Variants in GYS2 observed in about 807,000 individuals in gnomAD.
GYS2 encodes glycogen synthase 2.
In GYS2, 80 loss-of-function variants were observed where a neutral mutation model predicts 85.6. The observed-to-expected ratio is 0.93, with a 90% CI of 0.78 to 1.13. The LOEUF is 1.13. GYS2 is among the 50% of genes most tolerant of loss of function. The pLI is 0.00. For missense variants in GYS2, 881 were observed against 854.9 expected, an observed-to-expected ratio of 1.03 and a Z score of -0.38; for synonymous variants, 328 against 300.7, an observed-to-expected ratio of 1.09 and a Z score of -0.94.
intron 11 of GYS2, among the ~76,000 whole-genome samples, chr12:21,548,632 C>A (rs1944070303): frequency 6.6e-6 from 1 of 152,064 alleles, no homozygotes; most frequent in Admixed American, 6.6e-5. Context: ...CTTGTATGAG[C>A]CAGTTCTGGG....
chr12:21,571,966 CA>C (rs1367567639), intron 4 of GYS2, among the ~76,000 whole-genome samples: 3 of 25,770 alleles, frequency 1.2e-4, no homozygotes, highest in Non-Finnish European at 2.1e-4. Flanking sequence ...GCGTCAAAAA[CA>C]AAAACAAACA....
At chr12:21,555,388 C>A (rs1944166824) in intron 11 of GYS2, among the ~76,000 whole-genome samples, 1 of 151,870 alleles carries the variant, frequency 6.6e-6, no homozygotes. Context: ...GGATGTAGCT[C>A]ACTTATTATA....
chr12:21,602,567 AGAT>A (rs1173064430), intron 1 of GYS2, among the ~76,000 whole-genome samples: 1 of 152,152 alleles, frequency 6.6e-6, no homozygotes, highest in East Asian at 1.9e-4. Flanking sequence ...GATACATTGA[AGAT>A]GATATCAACT....
chr12:21,574,518 TA>T (rs1944423097), intron 3 of GYS2, among the ~76,000 whole-genome samples, 192 bp from the exon 4 acceptor site: 1 of 152,186 alleles, frequency 6.6e-6, no homozygotes. Context: ...CATATATTTT[TA>T]GGTCTTAATC....
At chr12:21,594,080 A>G (rs1187796710) in intron 1 of GYS2, among the ~76,000 whole-genome samples, 1 of 152,136 alleles carries the variant, frequency 6.6e-6, no homozygotes, top group African/African-American at 2.4e-5. Flanking sequence ...TCTGCAGCCA[A>G]TCATAGAAGG....
chr12:21,566,562 A>T (rs553941116), intron 5 of GYS2, among the ~76,000 whole-genome samples: 1 of 152,312 alleles, frequency 6.6e-6, no homozygotes, highest in East Asian at 1.9e-4. Flanking sequence ...GTGGGCACTC[A>T]GTAATAGATG....
chr12:21,557,865 C>G (rs1944201605), intron 11 of GYS2, among the ~76,000 whole-genome samples: 1 of 151,986 alleles, frequency 6.6e-6, no homozygotes, highest in South Asian at 2.1e-4. Context: ...CGCCACTGCA[C>G]TCCAGCCTGG....
At chr12:21,576,204 CTCTG>C in intron 2 of GYS2, 147 bp from the exon 3 acceptor site, 1 of 686,104 alleles carries the variant, frequency 1.5e-6, no homozygotes, top group South Asian at 1.7e-5. Flanking sequence ...AACATATAGC[CTCTG>C]CTGTTTGAGC....
At chr12:21,537,283 G>T (rs1184086727) in intron 15 of GYS2, 108 bp from the exon 16 acceptor site, 2 of 780,192 alleles carry the variant, frequency 2.6e-6, no homozygotes, top group African/African-American at 3.4e-5. Context: ...TCTATCTTTT[G>T]TAGTCTGGGT....
At chr12:21,599,350 G>T (rs1463766017) in intron 1 of GYS2, among the ~76,000 whole-genome samples, 1 of 152,092 alleles carries the variant, frequency 6.6e-6, no homozygotes, top group African/African-American at 2.4e-5. Context: ...GGTGCTACTT[G>T]TGACAAAGGT....
At chr12:21,539,384 A>G in intron 14 of GYS2, 46 bp from the exon 15 acceptor site, 3 of 989,100 alleles carry the variant, frequency 3.0e-6, no homozygotes, top group Non-Finnish European at 4.9e-6. Context: ...ACCCTTAGAT[A>G]TCTCAATAAT....
chr12:21,536,741 CTT>C lies in GYS2; in HGVS notation c.*211_*212del. The C allele has an allele frequency of 1.7e-6, 1 of 584,704 alleles. No individual in the cohort carries two copies. The highest frequency in any genetic ancestry group is 3.0e-6 in the Non-Finnish European group (1 of 329,298). The allele number at this position is 584,704 out of a possible 1,614,324, so 36.2% of individuals were successfully genotyped here. On this transcript the variant is annotated 3_prime_UTR_variant, in exon 16 of 16. Coordinates refer to ENST00000261195, the MANE Select transcript of GYS2 (RefSeq NM_021957.4). ...AATGAGTGCTCCTCCTCATGCCTAACTTTATGGGGGAAACAAGAGTTGGGGAA... is the reference window on the plus strand; with the variant it reads ...AATGAGTGCTCCTCCTCATGCCTAACTATGGGGGAAACAAGAGTTGGGGAA...
intron 1 of GYS2, among the ~76,000 whole-genome samples, chr12:21,588,095 AC>A (rs1386456117): frequency 1.3e-5 from 2 of 152,316 alleles, no homozygotes; most frequent in East Asian, 3.9e-4. Flanking sequence ...CAAGGGGATG[AC>A]TCAAGAAATC....
chr12:21,581,041 T>C (rs1944503991), intron 1 of GYS2, among the ~76,000 whole-genome samples: 1 of 152,214 alleles, frequency 6.6e-6, no homozygotes, highest in Non-Finnish European at 1.5e-5. Flanking sequence ...CATTTATCTT[T>C]TAAAGCACCA....
intron 11 of GYS2, among the ~76,000 whole-genome samples, chr12:21,547,122 G>A (rs148543687): frequency 6.6e-6 from 1 of 152,244 alleles, no homozygotes; most frequent in African/African-American, 2.4e-5. Context: ...GCTCAAAGTT[G>A]TTCAGTGGCT....
intron 11 of GYS2, among the ~76,000 whole-genome samples, chr12:21,554,670 T>G (rs185628193): frequency 2.0e-4 from 30 of 152,244 alleles, no homozygotes; most frequent in Non-Finnish European, 2.9e-4. Context: ...TAGAGGAATG[T>G]GTGTTAGGGA....
chr12:21,533,442 G>C (rs1339344893), downstream of GYS2, among the ~76,000 whole-genome samples: 3 of 152,176 alleles, frequency 2.0e-5, no homozygotes, highest in Admixed American at 6.5e-5. Flanking sequence ...GGGAAGTTGG[G>C]AATGTAACTT....
intron 13 of GYS2, among the ~76,000 whole-genome samples, chr12:21,541,440 C>T (rs939802643): frequency 6.6e-5 from 10 of 151,866 alleles, no homozygotes; most frequent in Non-Finnish European, 8.8e-5. Context: ...TAAGTTGTCA[C>T]GGGCCTTTAA....
rs769031415 is a variant in GYS2, at chr12:21,563,012, GT to G, written c.967del (p.Thr323LeufsTer21). The G allele has an allele frequency of 3.1e-6, 5 of 1,612,176 alleles. No individual in the cohort carries two copies. The African/African-American group carries it at 6.7e-5, about 22-fold the overall frequency. ...CCTCCCAGCAATGAAAAGGAACAAA[GT>G]CTTTTCAAGATCAAAGTCGAGATGA... ...YGHLDFDLEK[T>X]LFLFIAGRYE... On this transcript the variant is annotated frameshift_variant, in exon 7 of 16. Transcript: ENST00000261195. LOFTEE classifies it high-confidence loss of function.
Sources: allele counts gnomAD v4.1 joint callset (sites outside exome capture counted in the v4.1 genomes callset), GRCh38; gene constraint gnomAD v4.1.1; transcripts MANE v1.5; gene names NCBI Gene and HGNC (gene_info 2026-07-23, HGNC 2026-07-21).